Variants in BTG1 observed in about 807,000 individuals in gnomAD.
BTG1 encodes the protein protein BTG1.
In BTG1, 2 loss-of-function variants were observed where a neutral mutation model predicts 15.2. The observed-to-expected ratio is 0.13, with a 90% CI of 0.05 to 0.41. The LOEUF is 0.41. Among genes scored for constraint, BTG1 ranks in the 10% least tolerant of loss-of-function variants. The pLI is 0.99. For missense variants in BTG1, 149 were observed against 215.0 expected (o/e 0.69, Z 1.92); for synonymous variants, 109 against 82.4 (o/e 1.32, Z -1.75).
In BTG1 at chr12:92,142,163, A is replaced by G. The variant is rs1313221358; in HGVS notation, c.*1917T>C. ...CGAGAATGGTGTGCCAATAATATCC[A>G]CAGACATTTGTACTCTAAATACCTG... On this transcript the variant is annotated 3_prime_UTR_variant, in exon 2 of 2. Transcript: ENST00000256015. 4.3e-6 allele frequency: 1 copy of G among 232,204 alleles called. No homozygotes were observed. Among genetic ancestry groups the G allele is most frequent in the Non-Finnish European group, 8.5e-6 (1 of 117,472 alleles). The allele number at this position is 232,204 out of a possible 1,614,324, so 14.4% of individuals were successfully genotyped here.
intron 1 of BTG1, chr12:92,145,157 C>T (rs1483878364): frequency 3.9e-6 from 2 of 512,490 alleles, no homozygotes; most frequent in Non-Finnish European, 3.1e-6. Context: ...TGCGTGTTGT[C>T]TTCTCCTCTC....
rs1015329956 is a variant in BTG1 at position 92,141,176 on chromosome 12, C to T, written c.*2904G>A. Reference sequence around the variant, plus strand: ...AATTTCATAAACTGCAACACCTATACAAAACAAAATTAATTACTTGCAATG... The same window carrying T: ...AATTTCATAAACTGCAACACCTATATAAAACAAAATTAATTACTTGCAATG... On this transcript the variant is annotated 3_prime_UTR_variant, in exon 2 of 2. Transcript: ENST00000256015. 1 of 232,554 alleles carries T rather than the reference C, an allele frequency of 4.3e-6. No individual in the cohort carries two copies. The highest frequency in any genetic ancestry group is 6.1e-5 in the East Asian group (1 of 16,496). 14.4% of individuals were successfully genotyped at this position (232,554 alleles called of 1,614,324 possible). A position where few individuals can be genotyped will look rare whatever the true frequency, so the allele number is the denominator to read the frequency against.
Position 92,145,589 on chromosome 12 carries a change from C to G in BTG1, c.-54G>C, listed in dbSNP as rs973198101. ...CGGCTGGGGCTCGGCGGCGCGGCCCCGACGGCGGAGCAGCCACCCCGGGCT... is the reference window on the plus strand; with the variant it reads ...CGGCTGGGGCTCGGCGGCGCGGCCCGGACGGCGGAGCAGCCACCCCGGGCT... On this transcript the variant is annotated 5_prime_UTR_variant, in exon 1 of 2. Transcript: ENST00000256015. 4.0e-6 allele frequency: 5 copies of G among 1,244,146 alleles called. No individual in the cohort carries two copies. Among genetic ancestry groups the G allele is most frequent in the Non-Finnish European group, 5.1e-6 (5 of 984,442 alleles). 77.1% of individuals were successfully genotyped at this position (1,244,146 alleles called of 1,614,324 possible).
chr12:92,144,837 C>G (rs1210717255), intron 1 of BTG1, among the ~76,000 whole-genome samples: 2 of 152,138 alleles, frequency 1.3e-5, no homozygotes, highest in Non-Finnish European at 2.9e-5. Flanking sequence ...CTGTTAACCC[C>G]GAAGGGAAGA....
At position 92,141,333 on chromosome 12, in the gene BTG1, A is replaced by T. The variant is rs28399551; in HGVS notation, c.*2747T>A. 8.9e-3 allele frequency: 2,067 copies of T among 232,712 alleles called. 47 individuals carry two copies. Among genetic ancestry groups the T allele is most frequent in the African/African-American group, 0.04 (1,837 of 45,416 alleles). The allele number at this position is 232,712 out of a possible 1,614,324, so 14.4% of individuals were successfully genotyped here. A position where few individuals can be genotyped will look rare whatever the true frequency, so the allele number is the denominator to read the frequency against. ...AGACATGAGATTCCCATTCCAGATG[A>T]CAAAGATAACAGCCGCATTATCCTG... is the stretch of plus-strand genomic sequence containing the variant. On this transcript the variant is annotated 3_prime_UTR_variant, in exon 2 of 2. Transcript: ENST00000256015.
rs1870200605 is a variant in BTG1, at chr12:92,141,223, G to C, written c.*2857C>G. The C allele has an allele frequency of 4.3e-6, 1 of 232,478 alleles. No homozygotes were observed. Among genetic ancestry groups the C allele is most frequent in the Non-Finnish European group, 8.5e-6 (1 of 117,686 alleles). 14.4% of individuals were successfully genotyped at this position (232,478 alleles called of 1,614,324 possible). A position where few individuals can be genotyped will look rare whatever the true frequency, so the allele number is the denominator to read the frequency against. Reference sequence around the variant, plus strand: ...AATGTGTGAGTTATAATGACTTAAGGAAACTATTTGTGCAATGTACCTGAA... The same window carrying C: ...AATGTGTGAGTTATAATGACTTAAGCAAACTATTTGTGCAATGTACCTGAA... On this transcript the variant is annotated 3_prime_UTR_variant, in exon 2 of 2. Coordinates refer to ENST00000256015, the MANE Select transcript of BTG1 (RefSeq NM_001731.3).
At chr12:92,145,205 C>T (rs761792927) in intron 1 of BTG1, 183 bp downstream of exon 1, 14 of 929,374 alleles carry the variant, frequency 1.5e-5, no homozygotes, top group African/African-American at 1.8e-5. Context: ...GCCCTCCGTC[C>T]AGCCCCTAAA....
rs939544436 is a variant in BTG1 at position 92,140,739 on chromosome 12, T to C, written c.*3341A>G. The C allele has an allele frequency of 4.3e-6, 1 of 232,294 alleles. No individual in the cohort carries two copies. The highest frequency in any genetic ancestry group is 2.2e-5 in the African/African-American group (1 of 45,332). The allele number at this position is 232,294 out of a possible 1,614,324, so 14.4% of individuals were successfully genotyped here. On this transcript the variant is annotated 3_prime_UTR_variant, in exon 2 of 2. Coordinates refer to ENST00000256015, the MANE Select transcript of BTG1 (RefSeq NM_001731.3). The stretch of plus-strand genomic sequence containing the variant: ...TATATAAAAGTTCAGTGGCAGAGAC[T>C]GAGAGATAAGTCTAAAATGTTGGCA...
In BTG1 at chr12:92,142,655, G is replaced by GTACATCTTTT. The variant is rs1870324656; in HGVS notation, c.*1424_*1425insAAAAGATGTA. 4.3e-6 allele frequency: 1 copy of GTACATCTTTT among 232,952 alleles called. No homozygotes were observed. The highest frequency in any genetic ancestry group is 8.5e-6 in the Non-Finnish European group (1 of 117,952). The allele number at this position is 232,952 out of a possible 1,614,324, so 14.4% of individuals were successfully genotyped here. Reference sequence around the variant, plus strand: ...TGATTTTTATGTACATCTTGCAGGTGATGAAAAGCAAAAAGCAACCAATCT... The same window carrying GTACATCTTTT: ...TGATTTTTATGTACATCTTGCAGGTGTACATCTTTTATGAAAAGCAAAAAGCAACCAATCT... On this transcript the variant is annotated 3_prime_UTR_variant, in exon 2 of 2. Coordinates refer to ENST00000256015, the MANE Select transcript of BTG1 (RefSeq NM_001731.3).
At position 92,144,452 on chromosome 12, in the gene BTG1, A is replaced by G. The variant is rs1870448041; in HGVS notation, c.149-5T>C. The G allele has an allele frequency of 6.2e-7, 1 of 1,611,338 alleles. No individual in the cohort carries two copies. Among genetic ancestry groups the G allele is most frequent in the African/African-American group, 1.3e-5 (1 of 74,666 alleles). Reference sequence around the variant, plus strand: ...ACCAGTGATGTTTATAATGTTCTATAGAAGAAAAGAAGAACAGAGAAACAA... The same window carrying G: ...ACCAGTGATGTTTATAATGTTCTATGGAAGAAAAGAAGAACAGAGAAACAA... On this transcript the variant is annotated splice_region_variant and splice_polypyrimidine_tract_variant and intron_variant, in intron 1 of 1. Coordinates refer to ENST00000256015, the MANE Select transcript of BTG1 (RefSeq NM_001731.3).
rs1442995978 is a variant in BTG1 at position 92,142,926 on chromosome 12, GTT to G, written c.*1152_*1153del. On this transcript the variant is annotated 3_prime_UTR_variant, in exon 2 of 2. Coordinates refer to ENST00000256015, the MANE Select transcript of BTG1 (RefSeq NM_001731.3). ...ATCATTAGCCTGTGAATGTGTCCAT[GTT>G]TTGACTTTAGAAATTTTTAAAACAT... is the stretch of plus-strand genomic sequence containing the variant. 2 of 232,920 alleles carry G rather than the reference GTT, an allele frequency of 8.6e-6. No individual in the cohort carries two copies. The highest frequency in any genetic ancestry group is 1.7e-5 in the Non-Finnish European group (2 of 117,962). 14.4% of individuals were successfully genotyped at this position (232,920 alleles called of 1,614,324 possible).
In BTG1 at chr12:92,145,545, G is replaced by A. The variant is rs377332794; in HGVS notation, c.-10C>T. ...TGTAGAAGGGATGCATGGGGGCGGC[G>A]TGCGGGGGCGGCCCGGGGCGGCTGG... On this transcript the variant is annotated 5_prime_UTR_variant, in exon 1 of 2. The change creates a new upstream start codon in the 5' untranslated region. Coordinates refer to ENST00000256015, the MANE Select transcript of BTG1 (RefSeq NM_001731.3). The A allele has an allele frequency of 2.2e-5, 32 of 1,478,980 alleles. No homozygotes were observed. The highest frequency in any genetic ancestry group is 2.9e-5 in the African/African-American group (2 of 69,240). 91.6% of individuals were successfully genotyped at this position (1,478,980 alleles called of 1,614,324 possible). A position where few individuals can be genotyped will look rare whatever the true frequency, so the allele number is the denominator to read the frequency against.
chr12:92,145,831 C>T lies in BTG1; in HGVS notation c.-296G>A. 1 of 240,948 alleles carries T rather than the reference C, an allele frequency of 4.2e-6. No individual in the cohort carries two copies. The highest frequency in any genetic ancestry group is 8.1e-6 in the Non-Finnish European group (1 of 124,218). 14.9% of individuals were successfully genotyped at this position (240,948 alleles called of 1,614,324 possible). A position where few individuals can be genotyped will look rare whatever the true frequency, so the allele number is the denominator to read the frequency against. On this transcript the variant is annotated 5_prime_UTR_variant, in exon 1 of 2. Coordinates refer to ENST00000256015, the MANE Select transcript of BTG1 (RefSeq NM_001731.3). Reference sequence around the variant, plus strand: ...TTCGAAGATCTCAATAGCTGCATTTCCAGCTCCGAGAGGCGAAGAGATGCA... The same window carrying T: ...TTCGAAGATCTCAATAGCTGCATTTTCAGCTCCGAGAGGCGAAGAGATGCA...
At position 92,145,391 on chromosome 12, in the gene BTG1, C is replaced by T. The variant is rs1321424621; in HGVS notation, c.145G>A (p.Ala49Thr). 7.0e-6 allele frequency: 11 copies of T among 1,581,452 alleles called. No homozygotes were observed. The highest frequency in any genetic ancestry group is 1.4e-5 in the African/African-American group (1 of 71,180). Residue 49 changes from alanine to threonine, a missense_variant, in exon 1 of 2, where the codon GCA becomes ACA. Physicochemically the swap from Ala to Thr is moderately conservative, Grantham distance 58. This residue lies in a region of BTG1 where 34 missense variants were observed against 96.8 expected (regional missense o/e 0.35). Coordinates refer to ENST00000256015, the MANE Select transcript of BTG1 (RefSeq NM_001731.3). ...CCGACGCCCTCGCCCTGCTCACCTGCCAGCAGCTCCTGCAGGCTCTGGCTG... is the reference window on the plus strand; with the variant it reads ...CCGACGCCCTCGCCCTGCTCACCTGTCAGCAGCTCCTGCAGGCTCTGGCTG... ...TFSQSLQELL[A>T]EHYKHHWFPE... is the part of the protein sequence containing the mutation.
chr12:92,144,401 C>G lies in BTG1; in HGVS notation c.195G>C (p.Ser65=), dbSNP rs371783665. 1 of 1,614,210 alleles carries G rather than the reference C, an allele frequency of 6.2e-7. No individual in the cohort carries two copies. The highest frequency in any genetic ancestry group is 1.7e-5 in the Admixed American group (1 of 60,026). ...HWFPEKPCKG[S]GYRCIRINHK... ...GGTTGATGCGAATACAACGGTAACC[C>G]GATCCCTTGCATGGCTTTTCTGGGA... The change falls in exon 2 of 2, where the codon TCG becomes TCC. Residue 65 remains serine (S), a synonymous_variant. Transcript: ENST00000256015.
At position 92,144,034 on chromosome 12, in the gene BTG1, T is replaced by C. The variant is rs28399544; in HGVS notation, c.*46A>G. On this transcript the variant is annotated 3_prime_UTR_variant, in exon 2 of 2. Transcript: ENST00000256015. ...AAGAGGAGCCCACCCAAAGCAAAAA[T>C]CAAATTTATCCATCATCATCAGATG... 2.2e-3 allele frequency: 3,458 copies of C among 1,595,828 alleles called. 62 individuals are homozygous for C. In the African/African-American group the frequency reaches 0.039, roughly 18 times the overall value.
rs1406594211 is a variant in BTG1 at position 92,140,970 on chromosome 12, G to A, written c.*3110C>T. 4.3e-6 allele frequency: 1 copy of A among 232,656 alleles called. No individual in the cohort carries two copies. The highest frequency in any genetic ancestry group is 8.5e-6 in the Non-Finnish European group (1 of 117,780). The allele number at this position is 232,656 out of a possible 1,614,324, so 14.4% of individuals were successfully genotyped here. A position where few individuals can be genotyped will look rare whatever the true frequency, so the allele number is the denominator to read the frequency against. On this transcript the variant is annotated 3_prime_UTR_variant, in exon 2 of 2. Transcript: ENST00000256015. ...CTTCAATATGCAAAGTACAACTTCA[G>A]TTATCATACCTCTCTTCTGTAAAGA... is the stretch of plus-strand genomic sequence containing the variant.
rs568858311 is a variant in BTG1 at position 92,143,923 on chromosome 12, A to G, written c.*157T>C. ...GTACTGTCCAAACTATGGCACTGTC[A>G]CTTAAAATTTTTTTTTTTTTTACCA... On this transcript the variant is annotated 3_prime_UTR_variant, in exon 2 of 2. Transcript: ENST00000256015. 2 of 777,272 alleles carry G rather than the reference A, an allele frequency of 2.6e-6. No individual in the cohort carries two copies. The highest frequency in any genetic ancestry group is 3.9e-5 in the African/African-American group (2 of 51,074). The allele number at this position is 777,272 out of a possible 1,614,324, so 48.1% of individuals were successfully genotyped here.
In BTG1 at chr12:92,140,464, T is replaced by C. The variant is rs1045260574; in HGVS notation, c.*3616A>G. 6 of 227,460 alleles carry C rather than the reference T, an allele frequency of 2.6e-5. No homozygotes were observed. Among genetic ancestry groups the C allele is most frequent in the Admixed American group, 1.7e-4 (3 of 17,566 alleles). 14.1% of individuals were successfully genotyped at this position (227,460 alleles called of 1,614,324 possible). On this transcript the variant is annotated 3_prime_UTR_variant, in exon 2 of 2. Transcript: ENST00000256015. ...CTTGTTTAGGAGCATTTCAAAAATA[T>C]AACACTTAACATCAGAAGAAAATGA...
Sources: allele counts gnomAD v4.1 joint callset (sites outside exome capture counted in the v4.1 genomes callset), GRCh38; gene constraint gnomAD v4.1.1; regional missense constraint gnomAD v4.1.1; transcripts MANE v1.5; gene names NCBI Gene and HGNC (gene_info 2026-07-23, HGNC 2026-07-21).